Variants in CNTNAP2 observed in about 807,000 individuals in gnomAD.
The protein encoded by CNTNAP2 is contactin-associated protein-like 2.
CNTNAP2 carries 98 observed loss-of-function variants against 155.2 expected under a neutral mutation model. The ratio of observed to expected loss-of-function variants is 0.63; its 90% confidence interval spans 0.54 to 0.75. CNTNAP2 has a LOEUF of 0.75. Ranked by LOEUF, CNTNAP2 falls within the 30% of genes least tolerant of loss-of-function variation. The pLI is 0.00. For synonymous variants in CNTNAP2, 651 were observed against 631.2 expected, an observed-to-expected ratio of 1.03 and a Z score of -0.47; for missense variants, 1,727 against 1,688.1, an observed-to-expected ratio of 1.02 and a Z score of -0.40.
chr7:148,341,234 CT>C (rs1798224964), intron 21 of CNTNAP2, among the ~76,000 whole-genome samples: 1 of 151,888 alleles, frequency 6.6e-6, no homozygotes, highest in African/African-American at 2.4e-5. Flanking sequence ...GAAATGTGCA[CT>C]TTGGAAGTTC....
At chr7:146,803,219 G>T (rs962701443) in intron 2 of CNTNAP2, among the ~76,000 whole-genome samples, 15 of 151,962 alleles carry the variant, frequency 9.9e-5, no homozygotes, top group African/African-American at 3.4e-4. Context: ...AGAAAGAAAA[G>T]AATAACTTCC....
intron 1 of CNTNAP2, among the ~76,000 whole-genome samples, chr7:146,586,221 A>G (rs1798689487): frequency 6.6e-6 from 1 of 152,238 alleles, no homozygotes; most frequent in South Asian, 2.1e-4. Flanking sequence ...GGAATTAAAT[A>G]AAATTTCCAA....
intron 1 of CNTNAP2, among the ~76,000 whole-genome samples, chr7:146,585,586 C>A (rs757168725): frequency 6.6e-6 from 1 of 151,962 alleles, no homozygotes; most frequent in Non-Finnish European, 1.5e-5. Context: ...TTACATTATT[C>A]TCCTATGAGT....
At chr7:147,013,160 T>C (rs866030031) in intron 3 of CNTNAP2, among the ~76,000 whole-genome samples, 17 of 152,258 alleles carry the variant, frequency 1.1e-4, no homozygotes, top group South Asian at 6.2e-4. Flanking sequence ...AAAATTAATT[T>C]TCTAAGTCAT....
Position 146,825,108 on chromosome 7 carries a change from T to C in CNTNAP2, c.209-14603T>C, listed in dbSNP as rs73170351. 4.1e-3 allele frequency among the ~76,000 whole-genome samples: 619 copies of C among 152,198 alleles called. 4 individuals are homozygous for C. Among genetic ancestry groups the C allele is most frequent in the Non-Finnish European group, 6.5e-3 (443 of 68,004 alleles). ...TGTGTACTTATCCTAATGTTGTTAA[T>C]GTTGTTTCTCATTCAGAGCCTTGTG... On this transcript the variant is annotated intron_variant, in intron 2 of 23. Transcript: ENST00000361727.
At chr7:146,758,156 T>C (rs1163179031) in intron 1 of CNTNAP2, among the ~76,000 whole-genome samples, 1 of 152,226 alleles carries the variant, frequency 6.6e-6, no homozygotes, top group Non-Finnish European at 1.5e-5. Flanking sequence ...ACACTTTCAA[T>C]CACTTTTTCT....
rs149892988 is a variant in CNTNAP2, at chr7:147,581,928, G to A, written c.1897+19671G>A. Reference sequence around the variant, plus strand: ...TATACATATAAATAATTTGAGTTATGGAATGTAATGTGAGATTATATAATT... The same window carrying A: ...TATACATATAAATAATTTGAGTTATAGAATGTAATGTGAGATTATATAATT... On this transcript the variant is annotated intron_variant, in intron 12 of 23. Transcript: ENST00000361727. Among the ~76,000 whole-genome samples, 529 of 152,166 alleles carry A rather than the reference G, an allele frequency of 3.5e-3. 2 individuals carry two copies. The highest frequency in any genetic ancestry group is 0.012 in the African/African-American group (506 of 41,516).
At chr7:146,241,475 A>G (rs1799561850) in intron 1 of CNTNAP2, among the ~76,000 whole-genome samples, 3 of 152,200 alleles carry the variant, frequency 2.0e-5, no homozygotes, top group Non-Finnish European at 1.5e-5. Flanking sequence ...GTTTGCTCAT[A>G]GTAAAATTTT....
intron 3 of CNTNAP2, among the ~76,000 whole-genome samples, chr7:146,924,429 T>A (rs1463360155): frequency 6.6e-6 from 1 of 152,052 alleles, no homozygotes; most frequent in Non-Finnish European, 1.5e-5. Flanking sequence ...GATTCACAAA[T>A]CACAAAGTAT....
intron 2 of CNTNAP2, among the ~76,000 whole-genome samples, chr7:146,787,240 G>C (rs893212964): frequency 6.6e-6 from 1 of 152,166 alleles, no homozygotes; most frequent in Non-Finnish European, 1.5e-5. Context: ...ACGTGCTTCT[G>C]AGGTGTACAG....
intron 3 of CNTNAP2, among the ~76,000 whole-genome samples, chr7:146,855,354 C>G (rs1463092763): frequency 1.3e-5 from 2 of 152,068 alleles, no homozygotes; most frequent in Admixed American, 6.6e-5. Context: ...TTATACAGCT[C>G]CAATAACATA....
intron 3 of CNTNAP2, among the ~76,000 whole-genome samples, chr7:146,938,107 T>C (rs1228305738): frequency 6.6e-6 from 1 of 152,112 alleles, no homozygotes; most frequent in African/African-American, 2.4e-5. Flanking sequence ...ATAACAAAGA[T>C]AAGTGAATTG....
intron 18 of CNTNAP2, among the ~76,000 whole-genome samples, chr7:148,179,130 A>G (rs1252130256): frequency 6.6e-6 from 1 of 152,178 alleles, no homozygotes; most frequent in East Asian, 1.9e-4. Flanking sequence ...TCTTGGAGCA[A>G]TGTATCCAGT....
intron 9 of CNTNAP2, among the ~76,000 whole-genome samples, chr7:147,305,719 G>T (rs979537040): frequency 1.3e-5 from 2 of 152,152 alleles, no homozygotes. Flanking sequence ...TTGAAGGTAC[G>T]TATTGATTTT....
At chr7:146,919,714 A>C (rs1218448048) in intron 3 of CNTNAP2, among the ~76,000 whole-genome samples, 3 of 152,176 alleles carry the variant, frequency 2.0e-5, no homozygotes, top group Non-Finnish European at 4.4e-5. Context: ...AAGGCAGTAT[A>C]AGGAGGATCA....
At position 147,880,077 on chromosome 7, in the gene CNTNAP2, C is replaced by T. The variant is rs112622855; in HGVS notation, c.2099-23488C>T. On this transcript the variant is annotated intron_variant, in intron 13 of 23. Transcript: ENST00000361727. ...AACCTTTCTTCTCCCGCAGCGTTAGCGCTCACTCTGGTCCTCTCAGCTGCA... is the reference window on the plus strand; with the variant it reads ...AACCTTTCTTCTCCCGCAGCGTTAGTGCTCACTCTGGTCCTCTCAGCTGCA... Among the ~76,000 whole-genome samples the T allele has an allele frequency of 1.5e-3, 227 of 152,332 alleles. 2 individuals carry two copies. The highest frequency in any genetic ancestry group is 2.6e-3 in the Non-Finnish European group (177 of 68,036).
At chr7:146,496,616 A>G (rs1811384424) in intron 1 of CNTNAP2, among the ~76,000 whole-genome samples, 1 of 152,148 alleles carries the variant, frequency 6.6e-6, no homozygotes, top group South Asian at 2.1e-4. Flanking sequence ...ACTGGTTGGA[A>G]GCTATTGCCT....
At position 146,279,429 on chromosome 7, in the gene CNTNAP2, A is replaced by AACACACAC. The variant is rs60178387; in HGVS notation, c.97+162483_97+162490dup. On this transcript the variant is annotated intron_variant, in intron 1 of 23. Coordinates refer to ENST00000361727, the MANE Select transcript of CNTNAP2 (RefSeq NM_014141.6). ...CTTCATTAAAAAATTCATTTCCTTA[A>AACACACAC]ACACACACACACACACACACACACA... Among the ~76,000 whole-genome samples, 1,113 of 144,698 alleles carry AACACACAC rather than the reference A, an allele frequency of 7.7e-3. 16 individuals are homozygous for AACACACAC. Among genetic ancestry groups the AACACACAC allele is most frequent in the African/African-American group, 0.027 (1,072 of 40,318 alleles). The allele number at this position is 144,698 out of a possible 152,430, so 94.9% of individuals were successfully genotyped here.
intron 1 of CNTNAP2, among the ~76,000 whole-genome samples, chr7:146,488,489 ACT>A (rs1323175747): frequency 3.3e-5 from 5 of 151,570 alleles, no homozygotes; most frequent in South Asian, 4.2e-4. Flanking sequence ...TTAAAACCAA[ACT>A]CTCTATTTTG....
Sources: allele counts gnomAD v4.1 joint callset (sites outside exome capture counted in the v4.1 genomes callset), GRCh38; gene constraint gnomAD v4.1.1; transcripts MANE v1.5; gene names NCBI Gene and HGNC (gene_info 2026-07-23, HGNC 2026-07-21).